The following RAP1A variants were observed in gnomAD, a reference collection of about 807,000 sequenced individuals.
RAP1A encodes RAP1A, member of RAS oncogene family.
A neutral mutation model predicts 26.4 loss-of-function variants in RAP1A; 6 were observed. The observed-to-expected ratio is 0.23, with a 90% CI of 0.12 to 0.45. RAP1A has a LOEUF of 0.45. Ranked by LOEUF, RAP1A falls within the 20% of genes least tolerant of loss-of-function variation. The pLI, the probability that RAP1A is intolerant of heterozygous loss-of-function variation, is 0.99. For synonymous variants in RAP1A, 73 were observed against 79.4 expected (o/e 0.92, Z 0.43); for missense variants, 121 against 217.2 (o/e 0.56, Z 2.78).
At chr1:111,695,196 G>A (rs566246132) in intron 2 of RAP1A, 145 bp from the exon 3 acceptor site, 1 of 430,262 alleles carries the variant, frequency 2.3e-6, no homozygotes, top group African/African-American at 3.8e-5. Context: ...TCCTTATATT[G>A]AAAGAATTAA....
intron 1 of RAP1A, among the ~76,000 whole-genome samples, chr1:111,678,908 A>T (rs538071486): frequency 8.7e-4 from 133 of 152,158 alleles, no homozygotes; most frequent in Non-Finnish European, 1.6e-3. Context: ...CCTTTTGCAT[A>T]TGTACTATAC....
At chr1:111,628,569 G>A (rs533655273) in intron 1 of RAP1A, among the ~76,000 whole-genome samples, 1 of 152,292 alleles carries the variant, frequency 6.6e-6, no homozygotes, top group South Asian at 2.1e-4. Context: ...AGCATTCATC[G>A]AAAAGCAGAT....
upstream of RAP1A, among the ~76,000 whole-genome samples, chr1:111,619,413 G>A (rs1025576183): frequency 6.6e-6 from 1 of 152,324 alleles, no homozygotes; most frequent in Non-Finnish European, 1.5e-5. Context: ...AGCTGCAAGA[G>A]GGTCTTTGCC....
chr1:111,632,622 G>A (rs1247391103), intron 1 of RAP1A, among the ~76,000 whole-genome samples: 2 of 151,932 alleles, frequency 1.3e-5, no homozygotes, highest in African/African-American at 4.8e-5. Context: ...ATTAGATATT[G>A]GAGCCTACGG....
chr1:111,642,353 A>G (rs1354268454), intron 1 of RAP1A, among the ~76,000 whole-genome samples: 1 of 152,228 alleles, frequency 6.6e-6, no homozygotes, highest in Admixed American at 6.5e-5. Flanking sequence ...ACAGTATTTT[A>G]TGCATGGTAA....
At chr1:111,607,655 G>C (rs751356529) in intron 1 of RAP1A, among the ~76,000 whole-genome samples, 85 of 115,734 alleles carry the variant, frequency 7.3e-4, no homozygotes, top group Admixed American at 1.1e-3. Context: ...ACCCCGCCAC[G>C]TCCCTCCCGG....
In RAP1A at chr1:111,563,688, C is replaced by G. The variant is rs74112345; in HGVS notation, c.-28+21179C>G. Among the ~76,000 whole-genome samples the G allele has an allele frequency of 8.3e-3, 1,262 of 152,304 alleles. 7 individuals carry two copies. Among genetic ancestry groups the G allele is most frequent in the African/African-American group, 0.029 (1,215 of 41,556 alleles). On this transcript the variant is annotated intron_variant, in intron 1 of 7. Coordinates refer to the RAP1A transcript ENST00000356415. Reference sequence around the variant, plus strand: ...ATATTATGTCACATCATCTTCACAACCCTGTGGAATACAAATTATCTCTAT... The same window carrying G: ...ATATTATGTCACATCATCTTCACAAGCCTGTGGAATACAAATTATCTCTAT...
At chr1:111,597,505 C>A (rs774195278) in intron 1 of RAP1A, among the ~76,000 whole-genome samples, 1 of 152,190 alleles carries the variant, frequency 6.6e-6, no homozygotes, top group Non-Finnish European at 1.5e-5. Context: ...CCAACAGAAG[C>A]CCATCTGCTA....
At chr1:111,693,221 C>G (rs762718082) in intron 2 of RAP1A, among the ~76,000 whole-genome samples, 8 of 152,064 alleles carry the variant, frequency 5.3e-5, no homozygotes, top group Non-Finnish European at 1.0e-4. Flanking sequence ...CAGCTTTAGT[C>G]AGGTCATGTT....
intron 1 of RAP1A, among the ~76,000 whole-genome samples, chr1:111,598,231 T>C (rs966470854): frequency 6.6e-6 from 1 of 152,212 alleles, no homozygotes; most frequent in African/African-American, 2.4e-5. Flanking sequence ...TAGCTAACAT[T>C]TGTTGAGTGC....
chr1:111,595,348 T>C (rs1010636624), intron 1 of RAP1A, among the ~76,000 whole-genome samples: 19 of 152,256 alleles, frequency 1.2e-4, no homozygotes, highest in South Asian at 1.0e-3. Flanking sequence ...GAGTTTCTGG[T>C]ACAGGGGTCT....
At chr1:111,587,156 C>T (rs76867334) in intron 1 of RAP1A, among the ~76,000 whole-genome samples, 6,730 of 152,172 alleles carry the variant, frequency 0.044, 504 homozygotes, top group African/African-American at 0.15. Context: ...CTGCCTTCTG[C>T]ATCCAGGTGG....
chr1:111,702,086 G>A (rs1252581140), intron 4 of RAP1A, among the ~76,000 whole-genome samples: 1 of 152,164 alleles, frequency 6.6e-6, no homozygotes, highest in African/African-American at 2.4e-5. Context: ...ATCAGCCAGG[G>A]TAGAACAACC....
At chr1:111,619,786 G>GCCGCCGCCGCTCCCGAGGCC (rs1446274758), upstream of RAP1A, 1 of 397,762 alleles carries the variant, frequency 2.5e-6, no homozygotes, top group Non-Finnish European at 4.4e-6. Flanking sequence ...TGGAGGAGGC[G>GCCGCCGCCGCTCCCGAGGCC]CCGCCGCCGC....
intron 4 of RAP1A, among the ~76,000 whole-genome samples, chr1:111,702,308 T>C (rs995268446): frequency 6.6e-6 from 1 of 152,044 alleles, no homozygotes; most frequent in Non-Finnish European, 1.5e-5. Flanking sequence ...TTAAGTAATA[T>C]ATATATATAA....
intron 1 of RAP1A, among the ~76,000 whole-genome samples, chr1:111,551,766 G>GGTTT (rs1553206997): frequency 6.7e-6 from 1 of 149,168 alleles, no homozygotes. Flanking sequence ...GTTTTGTTTT[G>GGTTT]TTTTTTTGAG....
chr1:111,681,185 T>G (rs1201500472), intron 1 of RAP1A, among the ~76,000 whole-genome samples: 2 of 152,104 alleles, frequency 1.3e-5, no homozygotes, highest in Non-Finnish European at 2.9e-5. Context: ...GAGGCGGAGG[T>G]TGCAGTGAGC....
intron 1 of RAP1A, among the ~76,000 whole-genome samples, chr1:111,576,701 T>A (rs1052309280): frequency 6.6e-6 from 1 of 152,154 alleles, no homozygotes; most frequent in African/African-American, 2.4e-5. Flanking sequence ...TAGCTAATGT[T>A]TGGTTTCCTT....
chr1:111,646,610 G>A lies in RAP1A; in HGVS notation c.-28+26676G>A, dbSNP rs192264937. On this transcript the variant is annotated intron_variant, in intron 1 of 7. Coordinates refer to ENST00000369709, the MANE Select transcript of RAP1A (RefSeq NM_002884.4). ...GGCTGGAGTACAGTGGTGCAATCTC[G>A]GCTCACTGCAAGCTCCACCTCCCGG... Among the ~76,000 whole-genome samples the A allele has an allele frequency of 1.7e-3, 254 of 151,690 alleles. 1 individual carries two copies. The highest frequency in any genetic ancestry group is 3.1e-3 in the Non-Finnish European group (213 of 67,910).
Sources: gnomAD v4.1 joint callset for allele counts (sites outside exome capture counted in the v4.1 genomes callset) on GRCh38, gnomAD v4.1.1 for gene constraint, MANE v1.5 for transcripts, NCBI Gene and HGNC (gene_info 2026-07-23, HGNC 2026-07-21) for gene names.